Variants in ARAP2 observed in about 807,000 individuals in gnomAD.
ARAP2 encodes the protein ArfGAP with RhoGAP domain, ankyrin repeat and PH domain 2, also known as arf-GAP with Rho-GAP domain, ANK repeat and PH domain-containing protein 2.
A neutral mutation model predicts 194.5 loss-of-function variants in ARAP2; 148 were observed. The observed-to-expected ratio is 0.76, with a 90% CI of 0.67 to 0.87. The LOEUF is 0.87. Ranked by LOEUF, ARAP2 falls within the 40% of genes least tolerant of loss-of-function variation. ARAP2 has a pLI of 0.00. For synonymous variants in ARAP2, 695 were observed against 683.5 expected (o/e 1.02, Z -0.26); for missense variants, 2,128 against 1,989.7 (o/e 1.07, Z -1.32).
intron 15 of ARAP2, 137 bp from the exon 16 acceptor site, chr4:36,151,181 T>A (rs1730883093): frequency 5.1e-6 from 4 of 779,618 alleles, no homozygotes; most frequent in Non-Finnish European, 7.8e-6. Context: ...AAAGTATATG[T>A]TATTGCTGCA....
At chr4:36,044,840 T>C (rs575957882) in intron 5 of ARAP2, among the ~76,000 whole-genome samples, 3 of 151,760 alleles carry the variant, frequency 2.0e-5, no homozygotes, top group South Asian at 4.2e-4. Context: ...AAACTCAAAC[T>C]ACTCAATAAC....
intron 30 of ARAP2, among the ~76,000 whole-genome samples, chr4:36,080,880 T>A (rs537092752): frequency 2.8e-4 from 43 of 152,088 alleles, no homozygotes; most frequent in African/African-American, 8.2e-4. Context: ...GACAAATAAA[T>A]TACAACACAG....
intron 11 of ARAP2, among the ~76,000 whole-genome samples, chr4:36,164,578 G>T (rs1734838442): frequency 6.6e-6 from 1 of 152,158 alleles, no homozygotes; most frequent in African/African-American, 2.4e-5. Flanking sequence ...CTGGGGAAAG[G>T]TGGACAAATC....
intron 8 of ARAP2, among the ~76,000 whole-genome samples, chr4:36,178,846 C>T (rs1392677292): frequency 6.6e-6 from 1 of 152,096 alleles, no homozygotes; most frequent in Non-Finnish European, 1.5e-5. Flanking sequence ...AACAACTTTT[C>T]TTGAAACTAT....
intron 8 of ARAP2, among the ~76,000 whole-genome samples, chr4:36,185,172 C>T (rs1427877365): frequency 1.3e-5 from 2 of 152,120 alleles, no homozygotes; most frequent in Non-Finnish European, 2.9e-5. Context: ...CTTTATTTAC[C>T]AAAACAGGCA....
intron 16 of ARAP2, among the ~76,000 whole-genome samples, chr4:36,149,690 A>AT (rs1358345175): frequency 6.6e-6 from 1 of 152,202 alleles, no homozygotes; most frequent in Non-Finnish European, 1.5e-5. Context: ...TTAACATTCC[A>AT]TAAGTCATAT....
chr4:36,077,079 C>G (rs1158634075), intron 31 of ARAP2, among the ~76,000 whole-genome samples: 2 of 152,056 alleles, frequency 1.3e-5, no homozygotes, highest in African/African-American at 4.8e-5. Flanking sequence ...AGCCTGCAAT[C>G]TAGGAGCTTG....
At chr4:36,030,050 C>T (rs1718649379) in intron 5 of ARAP2, among the ~76,000 whole-genome samples, 1 of 151,962 alleles carries the variant, frequency 6.6e-6, no homozygotes, top group South Asian at 2.1e-4. Context: ...TTTTACTAGT[C>T]AACTCTTAGT....
At chr4:36,177,327 C>CGT (rs1027101555) in intron 9 of ARAP2, among the ~76,000 whole-genome samples, 1 of 151,958 alleles carries the variant, frequency 6.6e-6, no homozygotes, top group Admixed American at 6.6e-5. Flanking sequence ...CTTATATAGA[C>CGT]GTGTGTGTGT....
At position 36,227,752 on chromosome 4, in the gene ARAP2, CA is replaced by C. The variant is rs150271450; in HGVS notation, c.905+829del. On this transcript the variant is annotated intron_variant, in intron 2 of 32. Transcript: ENST00000303965. ...ACAGCCTCGTGTCTCAGCAGACACA[CA>C]AGGGTTAAGTTTTAATGGGAAAAGC... 5.4e-3 allele frequency among the ~76,000 whole-genome samples: 815 copies of C among 152,212 alleles called. 9 individuals carry two copies. Among genetic ancestry groups the C allele is most frequent in the African/African-American group, 0.019 (772 of 41,528 alleles).
intron 5 of ARAP2, among the ~76,000 whole-genome samples, chr4:36,030,671 C>T (rs545617776): frequency 2.0e-5 from 3 of 152,116 alleles, no homozygotes; most frequent in Non-Finnish European, 2.9e-5. Context: ...TATCTTTTCA[C>T]TGTATTTTTA....
chr4:36,014,630 G>A (rs568855791), intron 8 of ARAP2, among the ~76,000 whole-genome samples: 11 of 152,220 alleles, frequency 7.2e-5, no homozygotes, highest in Admixed American at 7.2e-4. Flanking sequence ...ACGTCAGCAA[G>A]AACCAGGTAA....
rs766600049 is a variant in ARAP2, at chr4:36,119,719, C to T, written c.3895-1G>A. On this transcript the variant is annotated splice_acceptor_variant, in intron 23 of 32. Coordinates refer to ENST00000303965, the MANE Select transcript of ARAP2 (RefSeq NM_015230.4). LOFTEE classifies it high-confidence loss of function. ...TTTGTTTGACTTGATCTTCTTTAAC[C>T]TGTTTAAAATATAATTCGGGACATT... is the stretch of plus-strand genomic sequence containing the variant. 3 of 1,589,410 alleles carry T rather than the reference C, an allele frequency of 1.9e-6. No homozygotes were observed. The highest frequency in any genetic ancestry group is 1.1e-5 in the South Asian group (1 of 89,680).
At chr4:36,146,868 T>C (rs1181677189) in intron 19 of ARAP2, among the ~76,000 whole-genome samples, 2 of 152,066 alleles carry the variant, frequency 1.3e-5, no homozygotes. Flanking sequence ...GCACAGTAGA[T>C]GCTTAATAGT....
intron 1 of ARAP2, among the ~76,000 whole-genome samples, chr4:36,242,668 G>A (rs1301481805): frequency 6.6e-6 from 1 of 152,124 alleles, no homozygotes; most frequent in Non-Finnish European, 1.5e-5. Context: ...TACACTGCAA[G>A]GAGCTTGCAG....
chr4:36,212,311 C>G, intron 5 of ARAP2, 85 bp downstream of exon 5: 3 of 1,149,146 alleles, frequency 2.6e-6, no homozygotes, highest in Non-Finnish European at 3.7e-6. Flanking sequence ...TTCTCTGACA[C>G]ACAATATTAT....
At chr4:36,114,022 G>C (rs1460994438) in intron 26 of ARAP2, 148 bp downstream of exon 26, 4 of 629,210 alleles carry the variant, frequency 6.4e-6, no homozygotes, top group Admixed American at 2.9e-5. Flanking sequence ...TCATAAAAAG[G>C]CAACCTCAAA....
chr4:36,030,045 C>T (rs1190291091), intron 5 of ARAP2, among the ~76,000 whole-genome samples: 1 of 151,992 alleles, frequency 6.6e-6, no homozygotes, highest in Non-Finnish European at 1.5e-5. Context: ...CAAAATTTTA[C>T]TAGTCAACTC....
At chr4:36,141,196 G>T (rs1193062387) in intron 19 of ARAP2, among the ~76,000 whole-genome samples, 1 of 151,424 alleles carries the variant, frequency 6.6e-6, no homozygotes, top group Non-Finnish European at 1.5e-5. Context: ...CTGCCTTCCT[G>T]GTCTAGAATA....
Sources: gnomAD v4.1 joint callset for allele counts (sites outside exome capture counted in the v4.1 genomes callset) on GRCh38, gnomAD v4.1.1 for gene constraint, MANE v1.5 for transcripts, NCBI Gene and HGNC (gene_info 2026-07-23, HGNC 2026-07-21) for gene names.